Variants in WDSUB1 observed in about 807,000 individuals in gnomAD.
WDSUB1 encodes the protein WD repeat, SAM and U-box domain-containing protein 1.
In WDSUB1, 49 loss-of-function variants were observed where a neutral mutation model predicts 53.9. That is an observed-to-expected ratio of 0.91 (90% CI 0.72 to 1.15). The LOEUF is 1.15. Among genes scored for constraint, WDSUB1 ranks in the 50% most tolerant of loss-of-function variants. The probability of loss-of-function intolerance (pLI) is 0.00; values close to 1 mark genes in which losing one functional copy is unlikely to be tolerated. For synonymous variants in WDSUB1, 194 were observed against 200.6 expected, an observed-to-expected ratio of 0.97 and a Z score of 0.28; for missense variants, 514 against 562.0, an observed-to-expected ratio of 0.91 and a Z score of 0.86.
intron 5 of WDSUB1, 78 bp downstream of exon 5, chr2:159,271,624 G>A: frequency 8.2e-7 from 1 of 1,220,394 alleles, no homozygotes; most frequent in Non-Finnish European, 1.2e-6. Context: ...GCTATTCTTT[G>A]AGGTTTCATG....
chr2:159,241,163 T>C (rs1379585969), intron 10 of WDSUB1, among the ~76,000 whole-genome samples: 1 of 152,226 alleles, frequency 6.6e-6, no homozygotes, highest in Non-Finnish European at 1.5e-5. Flanking sequence ...GGTTTTTATA[T>C]GTTCAGAATA....
At chr2:159,250,403 C>A (rs1450147764) in intron 9 of WDSUB1, among the ~76,000 whole-genome samples, 2 of 152,226 alleles carry the variant, frequency 1.3e-5, no homozygotes, top group East Asian at 3.9e-4. Context: ...AAAAGATTCC[C>A]TCAAATTCTT....
intron 10 of WDSUB1, among the ~76,000 whole-genome samples, chr2:159,246,215 G>C: frequency 6.6e-6 from 1 of 152,234 alleles, no homozygotes; most frequent in African/African-American, 2.4e-5. Flanking sequence ...GGTGGATCAC[G>C]AGGTCAGGAG....
rs2060872603 is a variant in WDSUB1 at position 159,248,478 on chromosome 2, T to A, written c.1167A>T (p.Lys389Asn). The change falls in exon 10 of 11, where the codon AAA becomes AAT. Residue 389 changes from lysine (K) to asparagine (N), a missense_variant. Transcript: ENST00000359774. ...SLGLRSKVLR[K>N]IEELRTKVKS... ...TAACCTTGGTCCTGAGCTCTTCAAT[T>A]TTCCTCAGCACTTTACTACGCAGTC... is the stretch of plus-strand genomic sequence containing the variant. 6.3e-7 allele frequency: 1 copy of A among 1,576,690 alleles called. No individual in the cohort carries two copies. Among genetic ancestry groups the A allele is most frequent in the African/African-American group, 1.4e-5 (1 of 72,476 alleles).
rs780664239 is a variant in WDSUB1 at position 159,236,100 on chromosome 2, G to A, written c.1364C>T (p.Ala455Val). The change falls in exon 11 of 11, where the codon GCG becomes GTG. Residue 455 changes from alanine (A) to valine (V), a missense_variant. By Grantham distance (64) the Ala-to-Val change is moderately conservative. Transcript: ENST00000359774. Reference sequence around the variant, plus strand: ...CAGAGTCCTATTTGGTGTAAGTACCGCTGAAGGAAGAACAAGATTTGTCAT... The same window carrying A: ...CAGAGTCCTATTTGGTGTAAGTACCACTGAAGGAAGAACAAGATTTGTCAT... ...SPMTNLVLPS[A>V]VLTPNRTLKM... 23 of 1,613,714 alleles carry A rather than the reference G, an allele frequency of 1.4e-5. No individual in the cohort carries two copies. The highest frequency in any genetic ancestry group is 1.6e-4 in the Middle Eastern group (1 of 6,082).
intron 10 of WDSUB1, among the ~76,000 whole-genome samples, chr2:159,244,277 TACATG>T (rs1256472747): frequency 4.6e-5 from 7 of 151,970 alleles, no homozygotes; most frequent in Admixed American, 1.3e-4. Flanking sequence ...AGAAATTACT[TACATG>T]ACACACTCAT....
At chr2:159,257,056 T>C (rs895371633) in intron 8 of WDSUB1, among the ~76,000 whole-genome samples, 1 of 152,172 alleles carries the variant, frequency 6.6e-6, no homozygotes, top group Non-Finnish European at 1.5e-5. Flanking sequence ...TGAAGTACAG[T>C]GGCGTGTTCT....
At chr2:159,284,182 A>G (rs1470136198) in intron 1 of WDSUB1, among the ~76,000 whole-genome samples, 2 of 152,200 alleles carry the variant, frequency 1.3e-5, no homozygotes, top group Non-Finnish European at 2.9e-5. Context: ...AAAATCTATA[A>G]GACTATAACC....
At chr2:159,261,892 ATATATTTTTTTTTTTTTTTTTTTTT>A (rs1257878132) in intron 5 of WDSUB1, among the ~76,000 whole-genome samples, 1 of 13,262 alleles carries the variant, frequency 7.5e-5, no homozygotes, top group African/African-American at 4.8e-4. Flanking sequence ...ATATATATAT[ATATATTTTTTTTTTTTTTTTTTTTT>A]TTTTTTTTTT....
chr2:159,261,863 TA>T (rs2061200605), intron 5 of WDSUB1, among the ~76,000 whole-genome samples: 1 of 8,712 alleles, frequency 1.1e-4, no homozygotes, highest in African/African-American at 3.9e-4. Context: ...TATATATATA[TA>T]TATATATATA....
intron 10 of WDSUB1, among the ~76,000 whole-genome samples, chr2:159,239,286 T>A (rs977543808): frequency 1.5e-5 from 2 of 133,668 alleles, no homozygotes; most frequent in African/African-American, 7.0e-5. Flanking sequence ...TTTACAGACA[T>A]GGATTATACT....
chr2:159,280,669 C>A (rs923088555), intron 2 of WDSUB1, among the ~76,000 whole-genome samples: 1 of 94,168 alleles, frequency 1.1e-5, no homozygotes, highest in Non-Finnish European at 1.8e-5. Flanking sequence ...CCAGCCTGGG[C>A]GACAGAGCGA....
chr2:159,282,427 C>T (rs1016875886), intron 2 of WDSUB1, among the ~76,000 whole-genome samples: 1 of 152,088 alleles, frequency 6.6e-6, no homozygotes, highest in Admixed American at 6.5e-5. Context: ...CTCCTGACCT[C>T]GTGATCCGCC....
At chr2:159,258,781 T>C (rs7560573) in intron 6 of WDSUB1, among the ~76,000 whole-genome samples, 63,976 of 152,062 alleles carry the variant, frequency 0.42, 14,753 homozygotes, top group Non-Finnish European at 0.54. Context: ...TAATTGTTTT[T>C]GAGAATGTAA....
intron 5 of WDSUB1, among the ~76,000 whole-genome samples, chr2:159,260,369 T>A (rs1373551573): frequency 6.6e-6 from 1 of 152,066 alleles, no homozygotes; most frequent in Non-Finnish European, 1.5e-5. Flanking sequence ...CAATAGTATA[T>A]ACTATTTACG....
At chr2:159,264,577 A>G (rs2061297691) in intron 5 of WDSUB1, among the ~76,000 whole-genome samples, 2 of 152,142 alleles carry the variant, frequency 1.3e-5, no homozygotes, top group Admixed American at 6.5e-5. Flanking sequence ...TCTCATGCCT[A>G]GCGGAAAATA....
At chr2:159,239,976 C>G (rs2060601556) in intron 10 of WDSUB1, among the ~76,000 whole-genome samples, 1 of 152,186 alleles carries the variant, frequency 6.6e-6, no homozygotes, top group Non-Finnish European at 1.5e-5. Flanking sequence ...ATATATTTCA[C>G]ACCATAAAAT....
chr2:159,260,768 A>AC (rs1320043525), intron 5 of WDSUB1, among the ~76,000 whole-genome samples: 3 of 152,210 alleles, frequency 2.0e-5, no homozygotes, highest in African/African-American at 4.8e-5. Context: ...TGGCATTTCT[A>AC]CCCCCCTTGG....
At chr2:159,264,950 C>T (rs896818758) in intron 5 of WDSUB1, among the ~76,000 whole-genome samples, 2 of 151,636 alleles carry the variant, frequency 1.3e-5, no homozygotes, top group Non-Finnish European at 2.9e-5. Context: ...CAGGCATGGT[C>T]GCGGGCACCT....
Sources: gnomAD v4.1 joint callset for allele counts (sites outside exome capture counted in the v4.1 genomes callset) on GRCh38, gnomAD v4.1.1 for gene constraint, MANE v1.5 for transcripts, NCBI Gene and HGNC (gene_info 2026-07-23, HGNC 2026-07-21) for gene names.